The following RNF157 variants were observed in gnomAD, a reference collection of about 807,000 sequenced individuals.
RNF157 encodes E3 ubiquitin ligase RNF157.
RNF157 carries 55 observed loss-of-function variants against 88.3 expected under a neutral mutation model. The observed-to-expected ratio is 0.62, with a 90% CI of 0.50 to 0.78. RNF157 has a LOEUF of 0.78. RNF157 is among the 30% of genes least tolerant of loss of function. The pLI, the probability that RNF157 is intolerant of heterozygous loss-of-function variation, is 0.00. For synonymous variants in RNF157, 334 were observed against 341.2 expected, an observed-to-expected ratio of 0.98 and a Z score of 0.23; for missense variants, 788 against 860.8, an observed-to-expected ratio of 0.92 and a Z score of 1.06.
chr17:76,215,249 G>T (rs1010928481), intron 1 of RNF157, among the ~76,000 whole-genome samples: 4 of 152,050 alleles, frequency 2.6e-5, no homozygotes, highest in Non-Finnish European at 1.5e-5. Flanking sequence ...TTGGAGACCA[G>T]CTTGGGCAAC....
intron 1 of RNF157, among the ~76,000 whole-genome samples, chr17:76,234,038 G>A (rs1324791198): frequency 3.3e-5 from 5 of 152,012 alleles, no homozygotes; most frequent in African/African-American, 9.7e-5. Context: ...TCTGGCAGCC[G>A]CAGGCACAGC....
At position 76,157,336 on chromosome 17, in the gene RNF157, G is replaced by A. The variant is rs990907796; in HGVS notation, c.1414-1015C>T. ...CTGGGTCTGTCTCCCGTCTAGTCCAGGCTGCACACTGCGGTCGGGTGGGCC... is the reference window on the plus strand; with the variant it reads ...CTGGGTCTGTCTCCCGTCTAGTCCAAGCTGCACACTGCGGTCGGGTGGGCC... On this transcript the variant is annotated intron_variant, in intron 13 of 18. Transcript: ENST00000269391. The surrounding 1 kb of genome is among the most constrained non-coding windows in gnomAD (Gnocchi z 5.6). Among the ~76,000 whole-genome samples, 10 of 152,222 alleles carry A rather than the reference G, an allele frequency of 6.6e-5. No homozygotes were observed. The highest frequency in any genetic ancestry group is 4.6e-4 in the Admixed American group (7 of 15,284).
chr17:76,180,845 C>T (rs756482270), intron 2 of RNF157, among the ~76,000 whole-genome samples: 2 of 152,212 alleles, frequency 1.3e-5, no homozygotes, highest in Non-Finnish European at 2.9e-5. Flanking sequence ...CGGCCATCAC[C>T]GCCATCCAGC....
At position 76,233,591 on chromosome 17, in the gene RNF157, G is replaced by A. The variant is rs969096290; in HGVS notation, c.88+6562C>T. Among the ~76,000 whole-genome samples, 5 of 152,048 alleles carry A rather than the reference G, an allele frequency of 3.3e-5. No homozygotes were observed. In the East Asian group the frequency reaches 5.8e-4, roughly 18 times the overall value. On this transcript the variant is annotated intron_variant, in intron 1 of 18. Coordinates refer to ENST00000269391, the MANE Select transcript of RNF157 (RefSeq NM_052916.3). The stretch of plus-strand genomic sequence containing the variant: ...CTCAATCTGTCACCCAGGCTGAAGC[G>A]CAGTGGCACAATCATAGCTCACTGC...
intron 2 of RNF157, among the ~76,000 whole-genome samples, chr17:76,193,047 G>C (rs914651204): frequency 6.6e-6 from 1 of 152,064 alleles, no homozygotes; most frequent in African/African-American, 2.4e-5. Context: ...TCAAACTCCA[G>C]AGCTCAAGTG....
intron 1 of RNF157, among the ~76,000 whole-genome samples, chr17:76,223,429 C>A (rs2070023720): frequency 6.6e-6 from 1 of 152,114 alleles, no homozygotes; most frequent in Non-Finnish European, 1.5e-5. Context: ...CTCAGGTGAT[C>A]CATCCGCCTC....
In RNF157 at chr17:76,175,161, A is replaced by T. The variant is rs77137584; in HGVS notation, c.208-1371T>A. Reference sequence around the variant, plus strand: ...CTATTTTGCAGTTTCTTTTTCACCTAAAAAGATGTGGTAAACATTTTTAAA... The same window carrying T: ...CTATTTTGCAGTTTCTTTTTCACCTTAAAAGATGTGGTAAACATTTTTAAA... On this transcript the variant is annotated intron_variant, in intron 2 of 18. Coordinates refer to ENST00000269391, the MANE Select transcript of RNF157 (RefSeq NM_052916.3). Among the ~76,000 whole-genome samples, 985 of 152,286 alleles carry T rather than the reference A, an allele frequency of 6.5e-3. 7 individuals are homozygous for T. Among genetic ancestry groups the T allele is most frequent in the African/African-American group, 0.022 (922 of 41,540 alleles).
chr17:76,226,319 A>C (rs1251709763), intron 1 of RNF157: 1 of 1,604,518 alleles, frequency 6.2e-7, no homozygotes, highest in African/African-American at 1.3e-5. Context: ...GGAAAGGGGA[A>C]GAAGTTGCAA....
rs564254617 is a variant in RNF157 at position 76,173,761 on chromosome 17, T to C, written c.237A>G (p.Glu79=). 4 of 1,610,894 alleles carry C rather than the reference T, an allele frequency of 2.5e-6. No homozygotes were observed. The Admixed American group carries it at 5.0e-5, about 20-fold the overall frequency. The part of the protein sequence containing the change: ...VFPYAAPPPQ[E]PVKTLRSLVN... ...CCAGGCTTCTCAGAGTCTTCACGGG[T>C]TCTTGGGGAGGTGGGGCGGCGTAAG... The change falls in exon 3 of 19, where the codon GAA becomes GAG. Residue 79 remains glutamate, a synonymous_variant. Transcript: ENST00000269391.
At chr17:76,182,791 GAGAT>G (rs1164075942) in intron 2 of RNF157, among the ~76,000 whole-genome samples, 1 of 98,082 alleles carries the variant, frequency 1.0e-5, no homozygotes, top group East Asian at 3.0e-4. Flanking sequence ...ATATATATGA[GAGAT>G]ATATATATGA....
chr17:76,181,907 CA>C (rs36009510), intron 2 of RNF157, among the ~76,000 whole-genome samples: 4,641 of 75,882 alleles, frequency 0.061, 76 homozygotes, highest in Non-Finnish European at 0.084. Flanking sequence ...GACTCTGTCT[CA>C]AAAAAAAAAA....
At chr17:76,168,909 T>A (rs1053455292) in intron 3 of RNF157, among the ~76,000 whole-genome samples, 4 of 152,218 alleles carry the variant, frequency 2.6e-5, no homozygotes, top group African/African-American at 9.7e-5. Flanking sequence ...ACTGCCTTAT[T>A]TTTCACCTCC....
intron 1 of RNF157, among the ~76,000 whole-genome samples, chr17:76,215,102 C>A (rs1029467448): frequency 1.3e-5 from 2 of 152,042 alleles, no homozygotes; most frequent in African/African-American, 2.4e-5. Flanking sequence ...GTGTATAATA[C>A]ATTGAGGATA....
chr17:76,152,660 C>T (rs2068698602), intron 17 of RNF157, 195 bp from the exon 18 acceptor site: 1 of 528,810 alleles, frequency 1.9e-6, no homozygotes, highest in Non-Finnish European at 3.4e-6. Context: ...CTCGCGCTTT[C>T]CTGCTGTTTC....
At chr17:76,210,568 C>A (rs1159205330) in intron 2 of RNF157, among the ~76,000 whole-genome samples, 1 of 115,858 alleles carries the variant, frequency 8.6e-6, no homozygotes, top group Non-Finnish European at 1.6e-5. Flanking sequence ...CCAGCCTGGG[C>A]GACAGAGCCA....
intron 2 of RNF157, chr17:76,175,699 T>C (rs1436426407): frequency 2.1e-6 from 2 of 946,018 alleles, no homozygotes; most frequent in Non-Finnish European, 2.5e-6. Flanking sequence ...GTAGCAAAGT[T>C]AATCATTTTC....
Position 76,210,588 on chromosome 17 carries a change from CAAAAA to C in RNF157, c.207+1771_207+1775del, listed in dbSNP as rs71161274. Among the ~76,000 whole-genome samples the C allele has an allele frequency of 8.0e-4, 43 of 53,530 alleles. 1 individual carries two copies. Among genetic ancestry groups the C allele is most frequent in the Middle Eastern group, 0.011 (1 of 94 alleles). The allele number at this position is 53,530 out of a possible 152,430, so 35.1% of individuals were successfully genotyped here. A position where few individuals can be genotyped will look rare whatever the true frequency, so the allele number is the denominator to read the frequency against. On this transcript the variant is annotated intron_variant, in intron 2 of 18. Coordinates refer to ENST00000269391, the MANE Select transcript of RNF157 (RefSeq NM_052916.3). Reference sequence around the variant, plus strand: ...CTGGGCGACAGAGCCAGACTCCGTCCAAAAAAAAAAAAAAAAGAAAGAAAGAAAGA... The same window carrying C: ...CTGGGCGACAGAGCCAGACTCCGTCCAAAAAAAAAAAGAAAGAAAGAAAGA...
rs184589081 is a variant in RNF157 at position 76,160,550 on chromosome 17, T to C, written c.1066-977A>G. 3.9e-3 allele frequency among the ~76,000 whole-genome samples: 599 copies of C among 152,356 alleles called. 6 individuals carry two copies. The highest frequency in any genetic ancestry group is 0.01 in the African/African-American group (433 of 41,574). On this transcript the variant is annotated intron_variant, in intron 11 of 18. Coordinates refer to ENST00000269391, the MANE Select transcript of RNF157 (RefSeq NM_052916.3). This position sits in a 1 kb window ranked among gnomAD's most constrained non-coding sequence, Gnocchi z 4.3. ...ATTGATTTTTAATGTGGTTGAACTT[T>C]TTAAAAAATTCTATGTTGAGTGTGT...
chr17:76,225,222 A>T (rs2145059605), intron 1 of RNF157, among the ~76,000 whole-genome samples: 1 of 152,208 alleles, frequency 6.6e-6, no homozygotes, highest in South Asian at 2.1e-4. Context: ...GCAATGGCTC[A>T]CAACTGTAAT....
Sources: allele counts gnomAD v4.1 joint callset (sites outside exome capture counted in the v4.1 genomes callset), GRCh38; gene constraint gnomAD v4.1.1; non-coding constraint Gnocchi (gnomAD v3.1); transcripts MANE v1.5; gene names NCBI Gene and HGNC (gene_info 2026-07-23, HGNC 2026-07-21).